Variants in SEMA6D observed in about 807,000 individuals in gnomAD.
SEMA6D encodes the protein semaphorin-6D.
A neutral mutation model predicts 106.6 loss-of-function variants in SEMA6D; 35 were observed. The observed-to-expected ratio is 0.33, with a 90% confidence interval of 0.25 to 0.44. SEMA6D has a LOEUF of 0.44. Ranked by LOEUF, SEMA6D falls within the 20% of genes least tolerant of loss-of-function variation. The pLI is 1.00. For synonymous variants in SEMA6D, 499 were observed against 487.7 expected, an observed-to-expected ratio of 1.02 and a Z score of -0.31; for missense variants, 1,185 against 1,345.9, an observed-to-expected ratio of 0.88 and a Z score of 1.87.
intron 1 of SEMA6D, chr15:47,339,047 A>T (rs2037695867): frequency 6.6e-6 from 1 of 152,182 alleles, no homozygotes; most frequent in Non-Finnish European, 1.5e-5. Flanking sequence ...TATGTAATGC[A>T]GCCTTCATAA....
At chr15:47,663,988 C>T (rs937626630) in intron 4 of SEMA6D, among the ~76,000 whole-genome samples, 9 of 152,108 alleles carry the variant, frequency 5.9e-5, no homozygotes, top group South Asian at 2.1e-4. Context: ...CAGACTTCAT[C>T]GAACTTTTTC....
chr15:47,340,508 A>G (rs528495309), intron 1 of SEMA6D, among the ~76,000 whole-genome samples: 9 of 152,340 alleles, frequency 5.9e-5, no homozygotes, highest in African/African-American at 2.2e-4. Context: ...CAAAGTAGTC[A>G]GCTCCTGCTG....
chr15:47,475,016 C>G (rs1567106518), intron 3 of SEMA6D, among the ~76,000 whole-genome samples: 1 of 152,146 alleles, frequency 6.6e-6, no homozygotes, highest in Non-Finnish European at 1.5e-5. Context: ...AGAGTCCCTG[C>G]TGACATTTCA....
chr15:47,371,539 C>T (rs1428880875), intron 1 of SEMA6D, among the ~76,000 whole-genome samples: 1 of 152,088 alleles, frequency 6.6e-6, no homozygotes, highest in African/African-American at 2.4e-5. Flanking sequence ...CCAGAAACTC[C>T]AGGAAGGGTA....
chr15:47,315,790 A>G (rs2085159), intron 1 of SEMA6D, among the ~76,000 whole-genome samples: 65,698 of 151,960 alleles, frequency 0.43, 16,594 homozygotes, highest in Non-Finnish European at 0.56. Context: ...TTTTACTCTT[A>G]TAGATCTTGT....
At chr15:47,764,387 G>A (rs543711872) in intron 11 of SEMA6D, 82 bp downstream of exon 11, 139 of 1,507,974 alleles carry the variant, frequency 9.2e-5, no homozygotes, top group Middle Eastern at 1.8e-4. Flanking sequence ...GGAGCAGCTT[G>A]GCCAACCTCC....
intron 1 of SEMA6D, among the ~76,000 whole-genome samples, chr15:47,281,472 C>T (rs1415915949): frequency 6.7e-6 from 1 of 150,260 alleles, no homozygotes; most frequent in Non-Finnish European, 1.5e-5. Context: ...TGGGTCTTGA[C>T]TCTTTATCCA....
chr15:47,375,490 C>G (rs1230078936), intron 1 of SEMA6D, among the ~76,000 whole-genome samples: 1 of 152,084 alleles, frequency 6.6e-6, no homozygotes, highest in Non-Finnish European at 1.5e-5. Flanking sequence ...ACTTGTTTTA[C>G]TTTTTTTCCT....
chr15:47,646,031 C>G (rs910554605), intron 4 of SEMA6D, among the ~76,000 whole-genome samples: 2 of 152,086 alleles, frequency 1.3e-5, no homozygotes, highest in Admixed American at 6.6e-5. Flanking sequence ...CCCCATCTTT[C>G]TGGGTTTTTA....
At chr15:47,730,412 A>G (rs1470975731) in intron 1 of SEMA6D, 5 of 1,429,174 alleles carry the variant, frequency 3.5e-6, no homozygotes. Context: ...AGGGACCCCC[A>G]TTTTACGACA....
intron 2 of SEMA6D, among the ~76,000 whole-genome samples, chr15:47,419,254 A>C (rs2041075780): frequency 6.6e-6 from 1 of 152,180 alleles, no homozygotes; most frequent in Non-Finnish European, 1.5e-5. Context: ...ATCACCACAA[A>C]GTCAAGTGTT....
intron 1 of SEMA6D, among the ~76,000 whole-genome samples, chr15:47,343,213 A>G (rs2037890986): frequency 1.3e-5 from 2 of 148,930 alleles, no homozygotes; most frequent in South Asian, 2.1e-4. Context: ...ATTATACACA[A>G]TTCTTTTTTA....
chr15:47,443,653 A>G (rs1359455510), intron 2 of SEMA6D, among the ~76,000 whole-genome samples: 2 of 152,136 alleles, frequency 1.3e-5, no homozygotes, highest in Non-Finnish European at 1.5e-5. Context: ...AAGCCTCTTA[A>G]TTTAGGGGGT....
At position 47,343,248 on chromosome 15, in the gene SEMA6D, T is replaced by TTATTATTATTATTATTATTA. The variant is rs1555425175; in HGVS notation, c.-238-69144_-238-69143insATTATTATTATTATTATTAT. ...AAAAAAACGATGGATTAGTTGGATTTTTATTATTATTATTATTATTATTAT... is the reference window on the plus strand; with the variant it reads ...AAAAAAACGATGGATTAGTTGGATTTTATTATTATTATTATTATTATTATTATTATTATTATTATTATTAT... On this transcript the variant is annotated intron_variant, in intron 1 of 19. Transcript: ENST00000558014. Among the ~76,000 whole-genome samples the TTATTATTATTATTATTATTA allele has an allele frequency of 1.2e-4, 17 of 146,146 alleles. 1 individual carries two copies. Among genetic ancestry groups the TTATTATTATTATTATTATTA allele is most frequent in the East Asian group, 4.0e-4 (2 of 5,026 alleles).
chr15:47,311,026 A>T (rs1374896590), intron 1 of SEMA6D, among the ~76,000 whole-genome samples: 2 of 152,200 alleles, frequency 1.3e-5, no homozygotes, highest in Admixed American at 1.3e-4. Flanking sequence ...ACTAAGCCTG[A>T]TATTACTTCA....
At chr15:47,462,440 T>G (rs2042542691) in intron 2 of SEMA6D, among the ~76,000 whole-genome samples, 2 of 152,034 alleles carry the variant, frequency 1.3e-5, no homozygotes, top group South Asian at 4.1e-4. Context: ...TCGGCCTCTC[T>G]CTTCTCAGAC....
At chr15:47,302,627 A>G (rs2036067418) in intron 1 of SEMA6D, among the ~76,000 whole-genome samples, 1 of 152,190 alleles carries the variant, frequency 6.6e-6, no homozygotes, top group Admixed American at 6.5e-5. Context: ...GAGAGTCACC[A>G]GTGAGAGAAG....
intron 1 of SEMA6D, among the ~76,000 whole-genome samples, chr15:47,252,474 T>C (rs1323152532): frequency 6.6e-6 from 1 of 152,104 alleles, no homozygotes; most frequent in Non-Finnish European, 1.5e-5. Flanking sequence ...CCCCCTACTA[T>C]GTAATAAAAC....
upstream of SEMA6D, among the ~76,000 whole-genome samples, chr15:47,713,004 CTCT>C (rs2079048389): frequency 6.6e-6 from 1 of 152,154 alleles, no homozygotes; most frequent in Non-Finnish European, 1.5e-5. Flanking sequence ...GTCTTCATAT[CTCT>C]TGTCTGTTTG....
Sources: allele counts gnomAD v4.1 joint callset (sites outside exome capture counted in the v4.1 genomes callset), GRCh38; gene constraint gnomAD v4.1.1; transcripts MANE v1.5; gene names NCBI Gene and HGNC (gene_info 2026-07-23, HGNC 2026-07-21).